Variants in CFAP263 observed in about 807,000 individuals in gnomAD.
CFAP263 encodes the protein cilia and flagella associated protein 263.
chr16:58,252,575 G>A, the CFAP263 span: 2 of 592,566 alleles, frequency 3.4e-6, no homozygotes, highest in Non-Finnish European at 5.9e-6. Flanking sequence ...AACCCTAAAA[G>A]TTAAGTGCTA....
the CFAP263 span, chr16:58,252,813 G>A: frequency 1.2e-6 from 2 of 1,613,804 alleles, no homozygotes; most frequent in Non-Finnish European, 1.7e-6. Context: ...CGACCTCCAC[G>A]ATTATCAGAA....
chr16:58,255,904 G>T, the CFAP263 span, among the ~76,000 whole-genome samples: 1 of 152,162 alleles, frequency 6.6e-6, no homozygotes, highest in Non-Finnish European at 1.5e-5. Flanking sequence ...CCCATGGTTT[G>T]TGCCCTGTTA....
At chr16:58,278,202 A>G in the CFAP263 span, among the ~76,000 whole-genome samples, 1 of 152,160 alleles carries the variant, frequency 6.6e-6, no homozygotes, top group African/African-American at 2.4e-5. Context: ...AATAAGTACA[A>G]CATATTCCTT....
chr16:58,255,254 G>A, the CFAP263 span, among the ~76,000 whole-genome samples: 1 of 152,204 alleles, frequency 6.6e-6, no homozygotes, highest in East Asian at 1.9e-4. Context: ...CCGAGGGCAG[G>A]AGGAGCAGAA....
chr16:58,275,493 A>G, the CFAP263 span, among the ~76,000 whole-genome samples: 15 of 152,254 alleles, frequency 9.9e-5, no homozygotes, highest in South Asian at 3.1e-3. Context: ...TTTGGGGGGT[A>G]AAAAAAGAGT....
At chr16:58,277,253 C>A in the CFAP263 span, among the ~76,000 whole-genome samples, 1 of 152,022 alleles carries the variant, frequency 6.6e-6, no homozygotes, top group African/African-American at 2.4e-5. Flanking sequence ...CTCAGCCTCC[C>A]AAGTAGCTGG....
chr16:58,260,303 G>A, the CFAP263 span, among the ~76,000 whole-genome samples: 1 of 152,178 alleles, frequency 6.6e-6, no homozygotes, highest in South Asian at 2.1e-4. Flanking sequence ...AGGAAACAGA[G>A]TCTCCCCTAG....
the CFAP263 span, among the ~76,000 whole-genome samples, chr16:58,262,791 A>ATAGATAGG: frequency 6.6e-6 from 1 of 152,076 alleles, no homozygotes; most frequent in Non-Finnish European, 1.5e-5. Flanking sequence ...AGATAGATAG[A>ATAGATAGG]TAGATAGATA....
At chr16:58,258,137 C>G in the CFAP263 span, among the ~76,000 whole-genome samples, 1 of 151,516 alleles carries the variant, frequency 6.6e-6, no homozygotes, top group Non-Finnish European at 1.5e-5. Flanking sequence ...AGATAGATAC[C>G]TGACACCTGT....
chr16:58,255,952 C>T, the CFAP263 span, among the ~76,000 whole-genome samples: 1 of 152,224 alleles, frequency 6.6e-6, no homozygotes, highest in Non-Finnish European at 1.5e-5. Context: ...GAGTCCAATA[C>T]AGTCAGTTTC....
At chr16:58,257,014 CTTTTTTTTTTTT>C in the CFAP263 span, among the ~76,000 whole-genome samples, 4 of 41,928 alleles carry the variant, frequency 9.5e-5, 1 homozygote, top group Non-Finnish European at 1.5e-4. Context: ...ATATGAATTT[CTTTTTTTTTTTT>C]TTTTTTTTTG....
chr16:58,278,589 C>T, the CFAP263 span: 3 of 1,614,128 alleles, frequency 1.9e-6, no homozygotes, highest in Middle Eastern at 1.6e-4. Context: ...TAAATGCGGA[C>T]CTGGAGAAGA....
the CFAP263 span, among the ~76,000 whole-genome samples, chr16:58,255,096 C>T: frequency 1.3e-5 from 2 of 152,122 alleles, no homozygotes; most frequent in Admixed American, 6.6e-5. Flanking sequence ...AGAGAGAAGC[C>T]GGTAGTGGCT....
the CFAP263 span, chr16:58,250,268 A>G: frequency 7.3e-6 from 4 of 550,318 alleles, no homozygotes; most frequent in African/African-American, 6.0e-5. Flanking sequence ...ACCACCACTG[A>G]GCCAACAAGC....
chr16:58,259,924 A>G, the CFAP263 span: 35 of 1,601,490 alleles, frequency 2.2e-5, no homozygotes, highest in Non-Finnish European at 2.5e-5. Flanking sequence ...ATGCTTTTAC[A>G]ATTGAGGCAG....
At chr16:58,253,324 T>G in the CFAP263 span, among the ~76,000 whole-genome samples, 1 of 151,778 alleles carries the variant, frequency 6.6e-6, no homozygotes, top group Non-Finnish European at 1.5e-5. Flanking sequence ...GAGGCTGCAG[T>G]GAGCTATGAT....
At chr16:58,278,566 C>G in the CFAP263 span, 2 of 1,614,088 alleles carry the variant, frequency 1.2e-6, no homozygotes, top group Non-Finnish European at 1.7e-6. Context: ...GACTTACGTC[C>G]GGGAGAAGAT....
At chr16:58,249,936 G>A in the CFAP263 span, 2 of 957,050 alleles carry the variant, frequency 2.1e-6, no homozygotes, top group Non-Finnish European at 3.3e-6. Flanking sequence ...CCACCGCGTC[G>A]CAGCCGGAGT....
chr16:58,277,127 T>TG, the CFAP263 span, among the ~76,000 whole-genome samples: 7 of 150,342 alleles, frequency 4.7e-5, no homozygotes, highest in South Asian at 2.1e-4. Flanking sequence ...AATGTTAAAA[T>TG]TTTTTTTTAA....
Sources: gnomAD v4.1 joint callset for allele counts (sites outside exome capture counted in the v4.1 genomes callset) on GRCh38, gnomAD v4.1.1 for gene constraint, MANE v1.5 for transcripts, NCBI Gene and HGNC (gene_info 2026-07-23, HGNC 2026-07-21) for gene names.